GRIP1: variants seen among roughly 807,000 people sequenced by gnomAD.
GRIP1 encodes glutamate receptor interacting protein 1.
A neutral mutation model predicts 129.9 loss-of-function variants in GRIP1; 45 were observed. The observed-to-expected ratio is 0.35, with a 90% CI of 0.27 to 0.44. GRIP1 has a LOEUF of 0.44. GRIP1 is among the 20% of genes least tolerant of loss of function. The probability of loss-of-function intolerance (pLI) is 1.00; values close to 1 mark genes in which losing one functional copy is unlikely to be tolerated. For synonymous variants in GRIP1, 530 were observed against 520.8 expected (o/e 1.02, Z -0.24); for missense variants, 1,196 against 1,396.8 (o/e 0.86, Z 2.29).
intron 1 of GRIP1, among the ~76,000 whole-genome samples, chr12:66,868,621 G>A (rs1365443960): frequency 2.0e-5 from 3 of 152,104 alleles, no homozygotes; most frequent in African/African-American, 7.2e-5. Context: ...GGGGTGGAGG[G>A]AAGAGAAGGC....
At chr12:66,932,648 T>C (rs981681200) in intron 1 of GRIP1, among the ~76,000 whole-genome samples, 2 of 151,888 alleles carry the variant, frequency 1.3e-5, no homozygotes, top group African/African-American at 4.8e-5. Flanking sequence ...GGAAAGACTA[T>C]AGATTATCAA....
chr12:67,019,926 G>C (rs1020810909), intron 1 of GRIP1, among the ~76,000 whole-genome samples: 6 of 152,050 alleles, frequency 3.9e-5, no homozygotes, highest in Non-Finnish European at 8.8e-5. Flanking sequence ...TACCTCAAAA[G>C]TTAAGACTTA....
chr12:67,029,163 G>A (rs1399644662), intron 1 of GRIP1, among the ~76,000 whole-genome samples: 1 of 152,120 alleles, frequency 6.6e-6, no homozygotes, highest in Non-Finnish European at 1.5e-5. Flanking sequence ...CCAGGCTGGA[G>A]TGCAGCGGCA....
At chr12:66,578,833 A>G (rs2063248063) in intron 2 of GRIP1, among the ~76,000 whole-genome samples, 1 of 152,234 alleles carries the variant, frequency 6.6e-6, no homozygotes, top group Non-Finnish European at 1.5e-5. Context: ...GGGGCAGGGC[A>G]CAGACAAACA....
chr12:66,863,849 T>C (rs1192593181), intron 1 of GRIP1, among the ~76,000 whole-genome samples: 2 of 152,140 alleles, frequency 1.3e-5, no homozygotes, highest in African/African-American at 4.8e-5. Context: ...TGAACCTGTC[T>C]CCTCACAGAC....
chr12:66,457,630 G>C (rs1288504505), intron 9 of GRIP1, among the ~76,000 whole-genome samples: 1 of 152,172 alleles, frequency 6.6e-6, no homozygotes, highest in African/African-American at 2.4e-5. Flanking sequence ...AATATGTAGA[G>C]AGGTGAAATA....
chr12:66,430,756 C>T (rs1362343060), intron 14 of GRIP1, among the ~76,000 whole-genome samples: 1 of 152,122 alleles, frequency 6.6e-6, no homozygotes, highest in Admixed American at 6.6e-5. Flanking sequence ...AAATTAAAGA[C>T]AATATTCCTA....
chr12:66,482,007 T>A (rs1202783258), intron 7 of GRIP1, among the ~76,000 whole-genome samples: 1 of 152,090 alleles, frequency 6.6e-6, no homozygotes, highest in Non-Finnish European at 1.5e-5. Context: ...AGAAGACAGG[T>A]TGATGGGTGC....
intron 1 of GRIP1, among the ~76,000 whole-genome samples, chr12:66,656,300 A>AT (rs1318199538): frequency 6.6e-6 from 1 of 152,162 alleles, no homozygotes; most frequent in Non-Finnish European, 1.5e-5. Flanking sequence ...CCAACAGTGT[A>AT]TTTTTTTCAA....
At chr12:66,649,198 C>T (rs962227547) in intron 1 of GRIP1, among the ~76,000 whole-genome samples, 30 of 152,106 alleles carry the variant, frequency 2.0e-4, no homozygotes, top group African/African-American at 5.6e-4. Context: ...TGGTCTGGCT[C>T]GATTCTCTTG....
intron 1 of GRIP1, among the ~76,000 whole-genome samples, chr12:66,748,074 A>G (rs989851795): frequency 2.0e-5 from 3 of 151,838 alleles, no homozygotes; most frequent in African/African-American, 7.3e-5. Context: ...GCTGGAGTGT[A>G]GTGGCACAAT....
chr12:66,517,846 G>T (rs2060891007), intron 6 of GRIP1, 55 bp downstream of exon 6: 6 of 914,434 alleles, frequency 6.6e-6, no homozygotes, highest in Non-Finnish European at 1.1e-5. Context: ...CTATGTTAAA[G>T]TCCCCAGCTT....
intron 1 of GRIP1, among the ~76,000 whole-genome samples, chr12:66,758,889 G>A (rs894711372): frequency 9.9e-5 from 15 of 152,092 alleles, no homozygotes; most frequent in Non-Finnish European, 1.9e-4. Context: ...GTGGCTTTTC[G>A]GGTACAGCCT....
At chr12:66,708,373 C>G (rs772311679) in intron 1 of GRIP1, among the ~76,000 whole-genome samples, 1 of 151,912 alleles carries the variant, frequency 6.6e-6, no homozygotes, top group Non-Finnish European at 1.5e-5. Context: ...TAAACTCGAG[C>G]TACCTAATGA....
intron 1 of GRIP1, among the ~76,000 whole-genome samples, chr12:67,006,077 C>T (rs1311759010): frequency 6.6e-6 from 1 of 152,130 alleles, no homozygotes; most frequent in Non-Finnish European, 1.5e-5. Context: ...TTTAATACAT[C>T]TTAATGGGAA....
chr12:66,715,469 T>TGA (rs1395457615), intron 1 of GRIP1, among the ~76,000 whole-genome samples: 188 of 117,378 alleles, frequency 1.6e-3, no homozygotes, highest in African/African-American at 3.7e-3. Context: ...TGTGTGTGTG[T>TGA]GTGAGAGAGA....
chr12:66,432,435 G>A, intron 14 of GRIP1, 113 bp downstream of exon 14: 1 of 663,606 alleles, frequency 1.5e-6, no homozygotes, highest in Non-Finnish European at 2.7e-6. Flanking sequence ...TTTGTATCAT[G>A]ATATAAAAAC....
intron 1 of GRIP1, among the ~76,000 whole-genome samples, chr12:66,642,903 T>G (rs1592691507): frequency 1.3e-5 from 2 of 152,168 alleles, no homozygotes; most frequent in African/African-American, 4.8e-5. Context: ...ACTCAGGTTA[T>G]TACAAGGGAG....
At chr12:66,450,979 A>T (rs1302506558) in intron 11 of GRIP1, among the ~76,000 whole-genome samples, 1 of 152,202 alleles carries the variant, frequency 6.6e-6, no homozygotes, top group African/African-American at 2.4e-5. Context: ...CTCTAGTAGC[A>T]GATGCTTCCG....
Sources: allele counts gnomAD v4.1 joint callset (sites outside exome capture counted in the v4.1 genomes callset), GRCh38; gene constraint gnomAD v4.1.1; transcripts MANE v1.5; gene names NCBI Gene and HGNC (gene_info 2026-07-23, HGNC 2026-07-21).